HERC2: variants seen among roughly 807,000 people sequenced by gnomAD.
The protein encoded by HERC2 is E3 ubiquitin-protein ligase HERC2.
A neutral mutation model predicts 537.7 loss-of-function variants in HERC2; 102 were observed. The ratio of observed to expected loss-of-function variants is 0.19; its 90% CI spans 0.16 to 0.22. The LOEUF (loss-of-function observed/expected upper bound fraction) is 0.22. Among genes scored for constraint, HERC2 ranks in the 10% least tolerant of loss-of-function variants. HERC2 has a pLI of 1.00. For missense variants in HERC2, 4,236 were observed against 6,198.2 expected (o/e 0.68, Z 10.63); for synonymous variants, 2,224 against 2,466.2 (o/e 0.90, Z 2.91).
intron 86 of HERC2, among the ~76,000 whole-genome samples, chr15:28,119,219 A>C (rs1000837285): frequency 6.6e-6 from 1 of 151,914 alleles, no homozygotes; most frequent in Non-Finnish European, 1.5e-5. Context: ...AACATGGTGA[A>C]ATTGTCTCTA....
chr15:28,251,249 C>T (rs1409704678), intron 20 of HERC2, among the ~76,000 whole-genome samples: 1 of 151,962 alleles, frequency 6.6e-6, no homozygotes, highest in Middle Eastern at 3.4e-3. Context: ...TCAAGACCAC[C>T]CCAGCCAACA....
intron 23 of HERC2, among the ~76,000 whole-genome samples, chr15:28,245,600 C>T (rs1490847318): frequency 7.1e-6 from 1 of 140,598 alleles, no homozygotes; most frequent in Non-Finnish European, 1.5e-5. Context: ...CACACACACA[C>T]ACACAGATAT....
intron 4 of HERC2, among the ~76,000 whole-genome samples, chr15:28,288,394 C>T (rs1227498160): frequency 6.9e-5 from 10 of 144,682 alleles, no homozygotes; most frequent in Admixed American, 6.3e-4. Context: ...GGTGTGGTGG[C>T]GTATGCCTGT....
At chr15:28,215,368 C>T (rs1899781945) in intron 39 of HERC2, among the ~76,000 whole-genome samples, 1 of 152,168 alleles carries the variant, frequency 6.6e-6, no homozygotes, top group Non-Finnish European at 1.5e-5. Context: ...AAGACAATTA[C>T]ACTACAAATT....
chr15:28,307,483 T>C (rs2076821450), intron 2 of HERC2, among the ~76,000 whole-genome samples: 1 of 152,244 alleles, frequency 6.6e-6, no homozygotes, highest in Non-Finnish European at 1.5e-5. Flanking sequence ...GTTTTTCTAC[T>C]TTTTTGATTT....
rs1596094423 is a variant in HERC2, at chr15:28,163,029, G to A, written c.10746+65C>T. On this transcript the variant is annotated intron_variant, in intron 69 of 92. Transcript: ENST00000261609. Reference sequence around the variant, plus strand: ...CGGTGATCCATAGCAGCTCTCCTTTGGAGAGGAGGGTGGCCCAACATGGAG... The same window carrying A: ...CGGTGATCCATAGCAGCTCTCCTTTAGAGAGGAGGGTGGCCCAACATGGAG... 2.9e-6 allele frequency: 4 copies of A among 1,361,882 alleles called. No homozygotes were observed. The East Asian group carries it at 9.2e-5, about 31-fold the overall frequency. The allele number at this position is 1,361,882 out of a possible 1,614,324, so 84.4% of individuals were successfully genotyped here.
chr15:28,162,890 CA>C (rs1241484289), intron 69 of HERC2, among the ~76,000 whole-genome samples: 1 of 151,672 alleles, frequency 6.6e-6, no homozygotes, highest in Non-Finnish European at 1.5e-5. Flanking sequence ...GACTCCGTCT[CA>C]AAAAAACAAA....
chr15:28,111,699 T>G lies in HERC2; in HGVS notation c.*64A>C. On this transcript the variant is annotated 3_prime_UTR_variant, in exon 93 of 93. Coordinates refer to ENST00000261609, the MANE Select transcript of HERC2 (RefSeq NM_004667.6). The stretch of plus-strand genomic sequence containing the variant: ...CAGACACACCAGGCAGCCTACAGTC[T>G]ACACAGCAGCGAGCGCTCTGCTGCC... 6.4e-7 allele frequency: 1 copy of G among 1,553,842 alleles called. No individual in the cohort carries two copies. The highest frequency in any genetic ancestry group is 1.4e-5 in the African/African-American group (1 of 73,850).
At chr15:28,244,091 G>A (rs1035098124) in intron 23 of HERC2, among the ~76,000 whole-genome samples, 2 of 152,102 alleles carry the variant, frequency 1.3e-5, no homozygotes, top group Admixed American at 1.3e-4. Context: ...TTGAGCCGGG[G>A]AGGTCAAGGC....
At position 28,265,707 on chromosome 15, in the gene HERC2, G is replaced by A. The variant is rs397518474; in HGVS notation, c.1781C>T (p.Pro594Leu). Residue 594 changes from proline (P) to leucine (L), a missense_variant, in exon 14 of 93, where the codon CCG (proline) becomes CTG (leucine). Pro to Leu is a moderately conservative substitution (Grantham distance 98). Transcript: ENST00000261609. The surrounding 1 kb of genome is among the most constrained non-coding windows in gnomAD (Gnocchi z 4.0). ...GHGSSEDEAI[P>L]MLVAGLKGLK... ...TCCTTTAAGCCCGGCTACCAGCATCGGAATGGCCTCGTCCTCACTGGAGCC... is the reference window on the plus strand; with the variant it reads ...TCCTTTAAGCCCGGCTACCAGCATCAGAATGGCCTCGTCCTCACTGGAGCC... 2 of 1,614,062 alleles carry A rather than the reference G, an allele frequency of 1.2e-6. No individual in the cohort carries two copies. The highest frequency in any genetic ancestry group is 1.7e-6 in the Non-Finnish European group (2 of 1,180,036).
At position 28,144,154 on chromosome 15, in the gene HERC2, A is replaced by C; in HGVS notation, c.11222T>G (p.Leu3741Arg). ...DLVTCLLDFRLNLASNRSIVP... is the reference protein window; with the variant it reads ...DLVTCLLDFRRNLASNRSIVP... ...GATGCTTCTGTTAGAGGCAAGGTTG[A>C]GTCGGAAGTCTAACAGACACGTCAC... is the stretch of plus-strand genomic sequence containing the variant. Residue 3741 changes from leucine to arginine, a missense_variant, in exon 73 of 93, where the codon CTC becomes CGC. Coordinates refer to ENST00000261609, the MANE Select transcript of HERC2 (RefSeq NM_004667.6). 2 of 1,614,226 alleles carry C rather than the reference A, an allele frequency of 1.2e-6. No homozygotes were observed. Among genetic ancestry groups the C allele is most frequent in the Non-Finnish European group, 1.7e-6 (2 of 1,180,054 alleles).
chr15:28,270,008 C>T (rs1226359789), intron 10 of HERC2, among the ~76,000 whole-genome samples: 1 of 152,226 alleles, frequency 6.6e-6, no homozygotes, highest in Non-Finnish European at 1.5e-5. Context: ...GTTGCCCAGG[C>T]TGCAGTGCAA....
intron 2 of HERC2, among the ~76,000 whole-genome samples, chr15:28,310,790 A>G (rs532000466): frequency 2.0e-5 from 3 of 152,246 alleles, no homozygotes; most frequent in Admixed American, 2.0e-4. Flanking sequence ...CTAAGAAGCT[A>G]TTACTGGCCA....
chr15:28,163,920 G>A (rs981792161), intron 68 of HERC2, among the ~76,000 whole-genome samples: 1 of 152,108 alleles, frequency 6.6e-6, no homozygotes, highest in South Asian at 2.1e-4. Context: ...CCAATTCCCA[G>A]CATCACTGCA....
At chr15:28,112,517 G>T (rs746016534) in intron 92 of HERC2, among the ~76,000 whole-genome samples, 1 of 152,238 alleles carries the variant, frequency 6.6e-6, no homozygotes, top group Non-Finnish European at 1.5e-5. Context: ...TGGCAGAGAC[G>T]CAGGTCAGGC....
chr15:28,132,395 A>C (rs1041129016), intron 80 of HERC2, 134 bp from the exon 81 acceptor site: 5 of 907,248 alleles, frequency 5.5e-6, no homozygotes, highest in African/African-American at 5.1e-5. Flanking sequence ...GATTTCTAAA[A>C]TCCTATAAGA....
At chr15:28,228,731 G>A (rs1336300994) in intron 34 of HERC2, among the ~76,000 whole-genome samples, 5 of 152,214 alleles carry the variant, frequency 3.3e-5, no homozygotes, top group East Asian at 1.9e-4. Context: ...CATGCTGCAC[G>A]ATGGGCCTAC....
chr15:28,267,401 T>C (rs2075598302), intron 12 of HERC2, among the ~76,000 whole-genome samples: 1 of 152,188 alleles, frequency 6.6e-6, no homozygotes, highest in Admixed American at 6.5e-5. Context: ...TACTATGAAA[T>C]ATTTTATAGA....
chr15:28,197,172 C>A (rs1303770170), intron 50 of HERC2, among the ~76,000 whole-genome samples: 1 of 152,200 alleles, frequency 6.6e-6, no homozygotes, highest in Non-Finnish European at 1.5e-5. Flanking sequence ...CACTGGGGAA[C>A]CACCAACTGT....
Sources: allele counts gnomAD v4.1 joint callset (sites outside exome capture counted in the v4.1 genomes callset), GRCh38; gene constraint gnomAD v4.1.1; non-coding constraint Gnocchi (gnomAD v3.1); transcripts MANE v1.5; gene names NCBI Gene and HGNC (gene_info 2026-07-23, HGNC 2026-07-21).